Variants in ACAD11 observed in about 807,000 individuals in gnomAD.
ACAD11 encodes the protein acyl-CoA dehydrogenase family member 11.
Under a neutral mutation model 102.2 loss-of-function variants are expected in ACAD11, and 83 were observed. The ratio of observed to expected loss-of-function variants is 0.81; its 90% CI spans 0.68 to 0.97. ACAD11 has a LOEUF of 0.97. ACAD11 is among the 50% of genes least tolerant of loss of function. The pLI, the probability that ACAD11 is intolerant of heterozygous loss-of-function variation, is 0.00. For synonymous variants in ACAD11, 324 were observed against 319.8 expected, an observed-to-expected ratio of 1.01 and a Z score of -0.14; for missense variants, 901 against 951.7, an observed-to-expected ratio of 0.95 and a Z score of 0.70.
chr3:132,575,734 C>G (rs770982535), intron 17 of ACAD11, 38 bp downstream of exon 17: 1 of 1,610,756 alleles, frequency 6.2e-7, no homozygotes, highest in South Asian at 1.1e-5. Context: ...GTGTAGTGCA[C>G]CGGGCTACAA....
chr3:132,650,496 GT>G (rs547378169), intron 1 of ACAD11: 1 of 152,164 alleles, frequency 6.6e-6, no homozygotes, highest in African/African-American at 2.4e-5. Flanking sequence ...TTTAGTGACA[GT>G]TTTTTTAAAA....
At chr3:132,562,554 T>C (rs907022584) in intron 17 of ACAD11, among the ~76,000 whole-genome samples, 1 of 152,242 alleles carries the variant, frequency 6.6e-6, no homozygotes, top group Non-Finnish European at 1.5e-5. Context: ...TTTGCATTCC[T>C]ACTAGCAGTG....
intron 13 of ACAD11, among the ~76,000 whole-genome samples, chr3:132,582,070 A>G (rs1179810708): frequency 1.3e-5 from 2 of 152,010 alleles, no homozygotes; most frequent in Admixed American, 6.6e-5. Flanking sequence ...CTTATATTAA[A>G]GTAGAGCTTG....
At chr3:132,633,111 T>C (rs1302148371) in intron 5 of ACAD11, among the ~76,000 whole-genome samples, 1 of 152,178 alleles carries the variant, frequency 6.6e-6, no homozygotes, top group Non-Finnish European at 1.5e-5. Flanking sequence ...CAACACTATG[T>C]TGAATAGGAG....
intron 17 of ACAD11, among the ~76,000 whole-genome samples, chr3:132,565,326 C>T (rs1937180246): frequency 6.6e-6 from 1 of 152,142 alleles, no homozygotes; most frequent in South Asian, 2.1e-4. Context: ...TTAGTGCAGT[C>T]CAAATGGGAT....
Position 132,559,889 on chromosome 3 carries a change from C to T in ACAD11, c.2172G>A (p.Trp724Ter), listed in dbSNP as rs766694470. The change falls in exon 19 of 20, where the codon TGG becomes TGA. Residue 724 changes from tryptophan to a stop codon, truncating the protein, a stop_gained. Coordinates refer to ENST00000264990, the MANE Select transcript of ACAD11 (RefSeq NM_032169.5). LOFTEE classifies it high-confidence loss of function. Reference sequence around the variant, plus strand: ...CAGCACCTCCGCACACCTGGATGGCCCAGTCAACGATTTTGCTGACAGCCC... The same window carrying T: ...CAGCACCTCCGCACACCTGGATGGCTCAGTCAACGATTTTGCTGACAGCCC... ...APRAVSKIVD[W>*]AIQVCGGAGV... 6.8e-6 allele frequency: 11 copies of T among 1,613,666 alleles called. No individual in the cohort carries two copies. In the Admixed American group the frequency reaches 1.0e-4, roughly 15 times the overall value.
At chr3:132,633,840 A>G (rs937302156) in intron 5 of ACAD11, among the ~76,000 whole-genome samples, 12 of 152,134 alleles carry the variant, frequency 7.9e-5, no homozygotes, top group African/African-American at 2.9e-4. Context: ...GTGCTGGGAA[A>G]ACTGGCTAGC....
chr3:132,626,262 A>C lies in ACAD11; in HGVS notation c.1197+429T>G, dbSNP rs115485024. Among the ~76,000 whole-genome samples the C allele has an allele frequency of 2.5e-3, 374 of 152,284 alleles. 2 individuals carry two copies. The highest frequency in any genetic ancestry group is 8.5e-3 in the African/African-American group (354 of 41,548). ...AACTTATTGAAACTTAATGCCTTAA[A>C]ATAGTAGCTTATAGGAAGAGGGGTG... On this transcript the variant is annotated intron_variant, in intron 9 of 19. Coordinates refer to ENST00000264990, the MANE Select transcript of ACAD11 (RefSeq NM_032169.5).
At chr3:132,605,072 A>T (rs1376419412) in intron 12 of ACAD11, 26 bp downstream of exon 12, 1 of 1,541,422 alleles carries the variant, frequency 6.5e-7, no homozygotes, top group Non-Finnish European at 9.0e-7. Flanking sequence ...TGACTACACA[A>T]GGAGAGAATG....
intron 17 of ACAD11, among the ~76,000 whole-genome samples, chr3:132,565,680 G>A (rs139694409): frequency 6.6e-6 from 1 of 152,316 alleles, no homozygotes; most frequent in African/African-American, 2.4e-5. Context: ...AACCTAGTGG[G>A]AGGGTCATGG....
At position 132,590,151 on chromosome 3, in the gene ACAD11, T is replaced by C. The variant is rs138956543; in HGVS notation, c.1622-10593A>G. ...GATTCCATTGTGAGTAGTGCTGCAA[T>C]GAACATTCACATGCATATGTCTTTA... On this transcript the variant is annotated intron_variant, in intron 13 of 19. Coordinates refer to ENST00000264990, the MANE Select transcript of ACAD11 (RefSeq NM_032169.5). Among the ~76,000 whole-genome samples, 1,172 of 152,388 alleles carry C rather than the reference T, an allele frequency of 7.7e-3. 6 individuals carry two copies. Among genetic ancestry groups the C allele is most frequent in the Non-Finnish European group, 0.013 (895 of 68,042 alleles).
intron 12 of ACAD11, among the ~76,000 whole-genome samples, chr3:132,603,712 C>G (rs1367816725): frequency 2.0e-5 from 3 of 152,230 alleles, no homozygotes; most frequent in African/African-American, 7.2e-5. Context: ...ATATAGTTTA[C>G]TGTCTTAAGC....
At chr3:132,641,560 T>TGAAGAAGAAGAAGAAGAAGAAGAAGAA (rs370839030) in intron 4 of ACAD11, among the ~76,000 whole-genome samples, 2 of 99,518 alleles carry the variant, frequency 2.0e-5, no homozygotes, top group African/African-American at 1.0e-4. Context: ...ATGATGATGA[T>TGAAGAAGAAGAAGAAGAAGAAGAAGAA]GAAGAAGAAG....
chr3:132,560,172 G>A (rs1937010238), intron 18 of ACAD11, among the ~76,000 whole-genome samples: 1 of 152,038 alleles, frequency 6.6e-6, no homozygotes, highest in Non-Finnish European at 1.5e-5. Context: ...TTTCTAACTT[G>A]TCTTGTTTCC....
At chr3:132,610,492 G>T (rs1012387785) in intron 11 of ACAD11, among the ~76,000 whole-genome samples, 18 of 151,978 alleles carry the variant, frequency 1.2e-4, no homozygotes, top group African/African-American at 4.3e-4. Flanking sequence ...TAATAAAGAA[G>T]AAAAGAGAGA....
At chr3:132,588,209 G>GTATA (rs1473235590) in intron 13 of ACAD11, among the ~76,000 whole-genome samples, 1 of 152,012 alleles carries the variant, frequency 6.6e-6, no homozygotes, top group East Asian at 1.9e-4. Flanking sequence ...ATGTATGTAT[G>GTATA]TATGTATGTA....
intron 13 of ACAD11, among the ~76,000 whole-genome samples, chr3:132,598,854 A>G (rs1464759490): frequency 6.6e-6 from 1 of 152,178 alleles, no homozygotes; most frequent in East Asian, 1.9e-4. Context: ...TATGCTAAGG[A>G]GCTTGGATTG....
chr3:132,650,143 A>G (rs1400677967), intron 1 of ACAD11: 1 of 152,238 alleles, frequency 6.6e-6, no homozygotes, highest in Non-Finnish European at 1.5e-5. Flanking sequence ...GAAAAATGAG[A>G]GACGGCAAAG....
At chr3:132,620,597 G>A (rs1487417008) in intron 9 of ACAD11, among the ~76,000 whole-genome samples, 1 of 152,136 alleles carries the variant, frequency 6.6e-6, no homozygotes, top group Non-Finnish European at 1.5e-5. Flanking sequence ...ATCAGTCACA[G>A]GACATAAACT....
Sources: gnomAD v4.1 joint callset for allele counts (sites outside exome capture counted in the v4.1 genomes callset) on GRCh38, gnomAD v4.1.1 for gene constraint, MANE v1.5 for transcripts, NCBI Gene and HGNC (gene_info 2026-07-23, HGNC 2026-07-21) for gene names.